The following FAT3 variants were observed in gnomAD, a reference collection of about 807,000 sequenced individuals.
FAT3 encodes the protein FAT atypical cadherin 3.
In FAT3, 95 loss-of-function variants were observed where a neutral mutation model predicts 310.2. That is an observed-to-expected ratio of 0.31 (90% CI 0.26 to 0.36). FAT3 has a LOEUF of 0.36. Ranked by LOEUF, FAT3 falls within the 10% of genes least tolerant of loss-of-function variation. FAT3 has a pLI of 1.00. For synonymous variants in FAT3, 2,314 were observed against 2,192.9 expected, an observed-to-expected ratio of 1.06 and a Z score of -1.54; for missense variants, 5,408 against 5,715.6, an observed-to-expected ratio of 0.95 and a Z score of 1.74.
chr11:92,463,992 C>T (rs1205528457), intron 2 of FAT3, among the ~76,000 whole-genome samples: 2 of 152,178 alleles, frequency 1.3e-5, no homozygotes, highest in Non-Finnish European at 2.9e-5. Flanking sequence ...GCACCTAGCA[C>T]ATGGTTAAGG....
intron 2 of FAT3, among the ~76,000 whole-genome samples, chr11:92,406,930 G>A (rs1044381168): frequency 5.9e-5 from 9 of 152,054 alleles, no homozygotes; most frequent in Admixed American, 5.9e-4. Flanking sequence ...AGCATGAAGG[G>A]GACTCTGTTT....
At chr11:92,568,341 A>G (rs1197076840) in intron 3 of FAT3, among the ~76,000 whole-genome samples, 2 of 152,182 alleles carry the variant, frequency 1.3e-5, no homozygotes, top group East Asian at 3.9e-4. Flanking sequence ...TTAGATAGTG[A>G]CCTACCAGGT....
intron 1 of FAT3, among the ~76,000 whole-genome samples, chr11:92,230,452 C>T (rs1864124986): frequency 7.9e-6 from 1 of 125,990 alleles, no homozygotes; most frequent in African/African-American, 2.8e-5. Context: ...CACCACCATG[C>T]CCTCTTAATT....
intron 4 of FAT3, among the ~76,000 whole-genome samples, chr11:92,753,539 G>A (rs986893167): frequency 5.3e-5 from 8 of 151,976 alleles, no homozygotes; most frequent in Admixed American, 4.6e-4. Context: ...GTTAGATTTC[G>A]GTTTAATGTT....
At chr11:92,629,946 A>C (rs1941493663) in intron 3 of FAT3, among the ~76,000 whole-genome samples, 1 of 152,184 alleles carries the variant, frequency 6.6e-6, no homozygotes, top group South Asian at 2.1e-4. Flanking sequence ...CAGAAGATTC[A>C]GGGTGTGACC....
chr11:92,776,555 A>C (rs1326665026), intron 7 of FAT3, among the ~76,000 whole-genome samples: 3 of 152,164 alleles, frequency 2.0e-5, no homozygotes, highest in African/African-American at 4.8e-5. Context: ...GTTAATATGG[A>C]AACATGTATT....
In FAT3 at chr11:92,286,417, T is replaced by C. The variant is rs75128460; in HGVS notation, c.-18+61243T>C. ...GGAAATAGCTTTGAGAACCTTCTTA[T>C]ATGCACGGAGGGAATGACTCCAACT... On this transcript the variant is annotated intron_variant, in intron 1 of 27. Coordinates refer to ENST00000525166, the MANE Select transcript of FAT3 (RefSeq NM_001367949.2). 5.1e-3 allele frequency among the ~76,000 whole-genome samples: 771 copies of C among 152,270 alleles called. 28 individuals are homozygous for C. The East Asian group carries it at 0.11, about 23-fold the overall frequency.
chr11:92,598,230 A>ATATATATTTTT (rs756896313), intron 3 of FAT3, among the ~76,000 whole-genome samples: 1 of 134,448 alleles, frequency 7.4e-6, no homozygotes, highest in African/African-American at 2.9e-5. Flanking sequence ...ATATATATAT[A>ATATATATTTTT]TTTTTTTTTT....
At chr11:92,389,040 C>T (rs1326863610) in intron 2 of FAT3, among the ~76,000 whole-genome samples, 1 of 152,190 alleles carries the variant, frequency 6.6e-6, no homozygotes, top group Non-Finnish European at 1.5e-5. Context: ...TTGTTCAGCT[C>T]TCCATCCCCT....
At chr11:92,570,651 A>T (rs1301925444) in intron 3 of FAT3, among the ~76,000 whole-genome samples, 1 of 152,200 alleles carries the variant, frequency 6.6e-6, no homozygotes, top group African/African-American at 2.4e-5. Flanking sequence ...TATTAAATAA[A>T]TGCCCTGCTT....
chr11:92,781,483 G>C (rs1439684604), intron 7 of FAT3, among the ~76,000 whole-genome samples: 1 of 152,122 alleles, frequency 6.6e-6, no homozygotes, highest in Non-Finnish European at 1.5e-5. Flanking sequence ...GCCTGCTTAG[G>C]TATACATAGG....
intron 4 of FAT3, among the ~76,000 whole-genome samples, chr11:92,701,761 T>G (rs953626437): frequency 6.6e-6 from 1 of 152,238 alleles, no homozygotes; most frequent in Non-Finnish European, 1.5e-5. Flanking sequence ...AGTTTTTTGG[T>G]TGTGACTTTA....
At chr11:92,770,260 C>T (rs1946425900) in intron 6 of FAT3, among the ~76,000 whole-genome samples, 1 of 152,026 alleles carries the variant, frequency 6.6e-6, no homozygotes, top group Admixed American at 6.6e-5. Flanking sequence ...AAGAAGAAGC[C>T]TAGAAACACT....
intron 4 of FAT3, among the ~76,000 whole-genome samples, chr11:92,719,837 G>C (rs938526524): frequency 2.6e-5 from 4 of 151,238 alleles, no homozygotes; most frequent in African/African-American, 9.7e-5. Context: ...ATTAATAAAT[G>C]GATGCTTGCA....
chr11:92,727,330 T>C (rs1240621152), intron 4 of FAT3, among the ~76,000 whole-genome samples: 1 of 152,054 alleles, frequency 6.6e-6, no homozygotes, highest in Non-Finnish European at 1.5e-5. Context: ...TGAGTATACA[T>C]GGTGATTGAG....
At chr11:92,297,657 A>G (rs1946884979) in intron 1 of FAT3, among the ~76,000 whole-genome samples, 1 of 152,132 alleles carries the variant, frequency 6.6e-6, no homozygotes, top group Non-Finnish European at 1.5e-5. Context: ...ACAATTTTCT[A>G]AGCCTGCATT....
At chr11:92,465,293 A>G (rs1012388884) in intron 2 of FAT3, among the ~76,000 whole-genome samples, 1 of 152,218 alleles carries the variant, frequency 6.6e-6, no homozygotes, top group African/African-American at 2.4e-5. Flanking sequence ...CAGAAAGTTC[A>G]TATTAAGCCA....
intron 1 of FAT3, among the ~76,000 whole-genome samples, chr11:92,280,850 A>G (rs2134363275): frequency 6.6e-6 from 1 of 152,244 alleles, no homozygotes; most frequent in Non-Finnish European, 1.5e-5. Context: ...CGTACATACA[A>G]TTTCTTGTGT....
chr11:92,799,821 G>C lies in FAT3; in HGVS notation c.6808G>C (p.Glu2270Gln). 1 of 1,613,326 alleles carries C rather than the reference G, an allele frequency of 6.2e-7. No homozygotes were observed. Among genetic ancestry groups the C allele is most frequent in the Non-Finnish European group, 8.5e-7 (1 of 1,179,620 alleles). ...CGACGCCCTTACTGGTGCTAGGGCT[G>C]AAGTCACTGTTGACTTGCTAGTTAA... ...ASDALTGARA[E>Q]VTVDLLVNDV... Residue 2270 changes from glutamate to glutamine, a missense_variant, in exon 10 of 28, where the codon GAA becomes CAA. Coordinates refer to ENST00000525166, the MANE Select transcript of FAT3 (RefSeq NM_001367949.2).
Sources: allele counts gnomAD v4.1 joint callset (sites outside exome capture counted in the v4.1 genomes callset), GRCh38; gene constraint gnomAD v4.1.1; transcripts MANE v1.5; gene names NCBI Gene and HGNC (gene_info 2026-07-23, HGNC 2026-07-21).